The following SH3TC2 variants were observed in gnomAD, a reference collection of about 807,000 sequenced individuals.
SH3TC2 encodes the protein SH3 domain and tetratricopeptide repeat-containing protein 2.
Under a neutral mutation model 124.5 loss-of-function variants are expected in SH3TC2, and 87 were observed. The ratio of observed to expected loss-of-function variants is 0.70; its 90% CI spans 0.59 to 0.84. SH3TC2 has a LOEUF of 0.84. Among genes scored for constraint, SH3TC2 ranks in the 40% least tolerant of loss-of-function variants. The pLI is 0.00. For synonymous variants in SH3TC2, 634 were observed against 628.5 expected (o/e 1.01, Z -0.13); for missense variants, 1,536 against 1,566.4 (o/e 0.98, Z 0.33).
rs1238599960 is a variant in SH3TC2 at position 149,003,845 on chromosome 5, G to C, written c.*866C>G. The stretch of plus-strand genomic sequence containing the variant: ...CAGCCTGGGCAACAGAGGAGAAACT[G>C]TCTCAAAAAAAAAAAAAAAAAAAAA... On this transcript the variant is annotated 3_prime_UTR_variant, in exon 17 of 17. Transcript: ENST00000515425. 9.6e-6 allele frequency: 2 copies of C among 207,762 alleles called. No individual in the cohort carries two copies. The highest frequency in any genetic ancestry group is 1.8e-5 in the Non-Finnish European group (2 of 113,370). The allele number at this position is 207,762 out of a possible 1,614,324, so 12.9% of individuals were successfully genotyped here. A position where few individuals can be genotyped will look rare whatever the true frequency, so the allele number is the denominator to read the frequency against.
At position 149,003,846 on chromosome 5, in the gene SH3TC2, TCTC is replaced by T; in HGVS notation, c.*862_*864del. 4.4e-6 allele frequency: 1 copy of T among 225,356 alleles called. No individual in the cohort carries two copies. Among genetic ancestry groups the T allele is most frequent in the Admixed American group, 6.5e-5 (1 of 15,282 alleles). The allele number at this position is 225,356 out of a possible 1,614,324, so 14.0% of individuals were successfully genotyped here. A position where few individuals can be genotyped will look rare whatever the true frequency, so the allele number is the denominator to read the frequency against. On this transcript the variant is annotated 3_prime_UTR_variant, in exon 17 of 17. Coordinates refer to ENST00000515425, the MANE Select transcript of SH3TC2 (RefSeq NM_024577.4). ...AGCCTGGGCAACAGAGGAGAAACTG[TCTC>T]AAAAAAAAAAAAAAAAAAAAAAGAC...
chr5:149,041,709 G>A (rs1754375597), intron 5 of SH3TC2, 92 bp from the exon 6 acceptor site: 1 of 1,414,602 alleles, frequency 7.1e-7, no homozygotes, highest in Admixed American at 1.8e-5. Context: ...TTCAGAGCTG[G>A]AGTACTTTTC....
chr5:149,030,450 A>T (rs1036201234), intron 9 of SH3TC2, among the ~76,000 whole-genome samples: 1 of 152,236 alleles, frequency 6.6e-6, no homozygotes, highest in Non-Finnish European at 1.5e-5. Flanking sequence ...GCTGGCAGAA[A>T]TCATGATCCA....
chr5:149,040,471 G>T, intron 7 of SH3TC2, 133 bp downstream of exon 7: 1 of 801,484 alleles, frequency 1.2e-6, no homozygotes, highest in South Asian at 1.4e-5. Context: ...GACAGAAACT[G>T]GCTTCCCTAA....
At chr5:149,013,361 G>A (rs572492615) in intron 12 of SH3TC2, among the ~76,000 whole-genome samples, 15 of 152,062 alleles carry the variant, frequency 9.9e-5, no homozygotes, top group Admixed American at 4.6e-4. Flanking sequence ...CTCCTCCTTT[G>A]CCTTCAGCCA....
rs546856196 is a variant in SH3TC2, at chr5:149,004,072, G to A, written c.*639C>T. 5.1e-6 allele frequency: 1 copy of A among 197,146 alleles called. No individual in the cohort carries two copies. The highest frequency in any genetic ancestry group is 1.1e-5 in the Non-Finnish European group (1 of 94,388). The allele number at this position is 197,146 out of a possible 1,614,324, so 12.2% of individuals were successfully genotyped here. On this transcript the variant is annotated 3_prime_UTR_variant, in exon 17 of 17. Transcript: ENST00000515425. ...GAAAGCTTCCCTGGAGCTTCTGGGA[G>A]GTTATGTGGGAGCACAGCCTTATGG...
In SH3TC2 at chr5:148,990,017, C is replaced by T. The variant is rs534966138; in HGVS notation, c.*14694G>A. ...GCTGCTTCTTTTCTAGGAGTCATTT[C>T]CAAGCAACCTCTCCTCTCACTCAAA... On this transcript the variant is annotated 3_prime_UTR_variant, in exon 17 of 17. Coordinates refer to ENST00000515425, the MANE Select transcript of SH3TC2 (RefSeq NM_024577.4). Among the ~76,000 whole-genome samples the T allele has an allele frequency of 6.6e-6, 1 of 152,108 alleles. No homozygotes were observed. Among genetic ancestry groups the T allele is most frequent in the East Asian group, 1.9e-4 (1 of 5,162 alleles).
chr5:149,038,894 A>G (rs1284523094), intron 7 of SH3TC2, among the ~76,000 whole-genome samples: 1 of 152,256 alleles, frequency 6.6e-6, no homozygotes, highest in Non-Finnish European at 1.5e-5. Context: ...TCCACAGACC[A>G]GTGTGTGAGA....
chr5:149,013,821 C>A (rs1753825014), intron 12 of SH3TC2, among the ~76,000 whole-genome samples: 1 of 152,162 alleles, frequency 6.6e-6, no homozygotes, highest in South Asian at 2.1e-4. Context: ...TCAGTCCTGG[C>A]AACAACTAGA....
At position 148,992,599 on chromosome 5, in the gene SH3TC2, G is replaced by GT. The variant is rs886060126; in HGVS notation, c.*12111_*12112insA. 9.3e-5 allele frequency among the ~76,000 whole-genome samples: 6 copies of GT among 64,752 alleles called. No individual in the cohort carries two copies. Among genetic ancestry groups the GT allele is most frequent in the African/African-American group, 1.6e-4 (3 of 18,484 alleles). The allele number at this position is 64,752 out of a possible 152,430, so 42.5% of individuals were successfully genotyped here. ...CATAATTCCAAGAAGAGATTTCATT[G>GT]GTTTTTTTTTTTTTTTTTTTTTTCA... On this transcript the variant is annotated 3_prime_UTR_variant, in exon 17 of 17. Coordinates refer to ENST00000515425, the MANE Select transcript of SH3TC2 (RefSeq NM_024577.4).
Position 149,062,998 on chromosome 5 carries a change from T to G in SH3TC2, c.25A>C (p.Arg9=). Residue 9 remains arginine (R), a synonymous_variant, in exon 1 of 17, where the codon AGG becomes CGG. Coordinates refer to ENST00000515425, the MANE Select transcript of SH3TC2 (RefSeq NM_024577.4). The stretch of plus-strand genomic sequence containing the variant: ...GGGCCCCGGGTCAGACTCCGCTCCC[T>G]GGGGATGCAGAAGCAGCCACCCATG... The part of the protein sequence containing the change: MGGCFCIP[R]ERSLTRGPGK... The G allele has an allele frequency of 6.2e-7, 1 of 1,600,422 alleles. No homozygotes were observed. The highest frequency in any genetic ancestry group is 8.5e-7 in the Non-Finnish European group (1 of 1,173,148).
At chr5:149,006,687 G>A (rs1053127976) in intron 16 of SH3TC2, among the ~76,000 whole-genome samples, 194 bp downstream of exon 16, 4 of 152,182 alleles carry the variant, frequency 2.6e-5, no homozygotes, top group African/African-American at 9.7e-5. Flanking sequence ...GCACCTTTGA[G>A]ATCTTCAGCA....
intron 12 of SH3TC2, among the ~76,000 whole-genome samples, chr5:149,013,113 T>C (rs1048142520): frequency 1.3e-5 from 2 of 152,212 alleles, no homozygotes; most frequent in East Asian, 1.9e-4. Flanking sequence ...TCAACCCTTT[T>C]ACTGCTCTAT....
rs1438056772 is a variant in SH3TC2 at position 148,989,872 on chromosome 5, C to G, written c.*14839G>C. 3.3e-5 allele frequency among the ~76,000 whole-genome samples: 5 copies of G among 152,116 alleles called. No individual in the cohort carries two copies. Among genetic ancestry groups the G allele is most frequent in the Non-Finnish European group, 7.4e-5 (5 of 68,024 alleles). ...ACATTTGGGAAATGTCCCTATGAAT[C>G]AATCCACCTGCACTGGGGAAAAATG... On this transcript the variant is annotated 3_prime_UTR_variant, in exon 17 of 17. Coordinates refer to ENST00000515425, the MANE Select transcript of SH3TC2 (RefSeq NM_024577.4).
rs1378063379 is a variant in SH3TC2 at position 148,990,337 on chromosome 5, C to T, written c.*14374G>A. The stretch of plus-strand genomic sequence containing the variant: ...GTTTCCTTAGTTTGCTGTAAATGTT[C>T]ACACCTCCCATCATAAGCAAGCTGG... On this transcript the variant is annotated 3_prime_UTR_variant, in exon 17 of 17. Coordinates refer to ENST00000515425, the MANE Select transcript of SH3TC2 (RefSeq NM_024577.4). Among the ~76,000 whole-genome samples the T allele has an allele frequency of 3.3e-5, 5 of 152,076 alleles. No homozygotes were observed. Among genetic ancestry groups the T allele is most frequent in the Non-Finnish European group, 7.4e-5 (5 of 68,026 alleles).
At chr5:149,028,841 A>G (rs954375386) in intron 9 of SH3TC2, 123 bp from the exon 10 acceptor site, 5 of 946,850 alleles carry the variant, frequency 5.3e-6, no homozygotes, top group Admixed American at 3.6e-5. Context: ...TTCAGTCATC[A>G]TTAAGGAACA....
At position 149,028,714 on chromosome 5, in the gene SH3TC2, C is replaced by T. The variant is rs768932852; in HGVS notation, c.1140G>A (p.Gly380=). The change falls in exon 10 of 17, where the codon GGG becomes GGA. Residue 380 remains glycine (G), a synonymous_variant. Transcript: ENST00000515425. ...TTGGAGGATTCTGGATGGATTCAAA[C>T]CCACCTAAGTAGAGATGAAGAACAG... ...TDITSVYRLS[G]FESIQNPPND... 2 of 1,614,190 alleles carry T rather than the reference C, an allele frequency of 1.2e-6. No homozygotes were observed. Among genetic ancestry groups the T allele is most frequent in the Middle Eastern group, 1.6e-4 (1 of 6,062 alleles).
chr5:149,019,158 G>T (rs905518299), intron 12 of SH3TC2, among the ~76,000 whole-genome samples: 3 of 152,302 alleles, frequency 2.0e-5, no homozygotes, highest in African/African-American at 7.2e-5. Flanking sequence ...ATGTTCTTTT[G>T]TCAGACAGTG....
chr5:149,009,705 G>A (rs1007562858), intron 14 of SH3TC2, among the ~76,000 whole-genome samples: 1 of 152,126 alleles, frequency 6.6e-6, no homozygotes, highest in Non-Finnish European at 1.5e-5. Flanking sequence ...TGACATATCT[G>A]CTTAATATCT....
Sources: allele counts gnomAD v4.1 joint callset (sites outside exome capture counted in the v4.1 genomes callset), GRCh38; gene constraint gnomAD v4.1.1; transcripts MANE v1.5; gene names NCBI Gene and HGNC (gene_info 2026-07-23, HGNC 2026-07-21).